LEPR: variants seen among roughly 807,000 people sequenced by gnomAD.
LEPR encodes leptin receptor.
Under a neutral mutation model 114.7 loss-of-function variants are expected in LEPR, and 56 were observed. The observed-to-expected ratio is 0.49, with a 90% CI of 0.39 to 0.61. The LOEUF is 0.61. Among genes scored for constraint, LEPR ranks in the 20% least tolerant of loss-of-function variants. LEPR has a pLI of 0.00. For missense variants in LEPR, 1,202 were observed against 1,352.9 expected (o/e 0.89, Z 1.75); for synonymous variants, 443 against 461.4 (o/e 0.96, Z 0.51).
At chr1:65,450,855 G>A (rs1159210336) in intron 2 of LEPR, among the ~76,000 whole-genome samples, 2 of 151,788 alleles carry the variant, frequency 1.3e-5, no homozygotes, top group East Asian at 3.9e-4. Flanking sequence ...TCGCCACACT[G>A]ACTTCCACAA....
intron 2 of LEPR, among the ~76,000 whole-genome samples, chr1:65,453,613 G>T (rs1021103263): frequency 2.0e-5 from 3 of 152,100 alleles, no homozygotes; most frequent in African/African-American, 7.2e-5. Flanking sequence ...TTAATCCTGC[G>T]TTCTAGTTTG....
intron 5 of LEPR, among the ~76,000 whole-genome samples, chr1:65,587,210 A>G (rs552120451): frequency 1.4e-4 from 22 of 152,116 alleles, no homozygotes; most frequent in African/African-American, 4.8e-4. Context: ...AAAATTCTGA[A>G]GTTTTTCAGC....
chr1:65,591,058 G>T (rs1655662381), intron 5 of LEPR, among the ~76,000 whole-genome samples: 1 of 151,880 alleles, frequency 6.6e-6, no homozygotes, highest in Admixed American at 6.6e-5. Flanking sequence ...TAATTTTCAT[G>T]TACTTAAAAA....
chr1:65,505,751 TC>T (rs1272113890), intron 2 of LEPR, among the ~76,000 whole-genome samples: 5 of 21,422 alleles, frequency 2.3e-4, no homozygotes, highest in Admixed American at 2.3e-3. Context: ...TAACTCACCA[TC>T]CCTTTTTTTT....
At chr1:65,432,985 C>T (rs149557240) in intron 2 of LEPR, 1 of 985,362 alleles carries the variant, frequency 1.0e-6, no homozygotes, top group African/African-American at 1.7e-5. Flanking sequence ...AAAAACATCT[C>T]AGTGGGGAAC....
intron 19 of LEPR, among the ~76,000 whole-genome samples, chr1:65,630,586 C>T (rs75261574): frequency 0.028 from 4,246 of 151,794 alleles, 202 homozygotes; most frequent in African/African-American, 0.098. Flanking sequence ...AATTTCCTCT[C>T]CTCTTGTTTC....
At chr1:65,615,905 C>CCCCT in intron 14 of LEPR, 103 bp from the exon 15 acceptor site, 1 of 1,479,964 alleles carries the variant, frequency 6.8e-7, no homozygotes, top group Non-Finnish European at 9.3e-7. Context: ...CCTGATCTGG[C>CCCCT]CCCTGCCTCC....
intron 2 of LEPR, among the ~76,000 whole-genome samples, chr1:65,530,417 A>C (rs1003271774): frequency 1.3e-5 from 2 of 152,180 alleles, no homozygotes; most frequent in Non-Finnish European, 2.9e-5. Flanking sequence ...AAGTGAAAAC[A>C]AGTTTATTTG....
intron 2 of LEPR, among the ~76,000 whole-genome samples, chr1:65,510,859 T>C (rs1648992724): frequency 1.3e-5 from 2 of 152,274 alleles, no homozygotes; most frequent in Admixed American, 6.5e-5. Flanking sequence ...AAATTGAATA[T>C]GTTTTATAAT....
chr1:65,423,466 G>A (rs1320307791), intron 1 of LEPR, among the ~76,000 whole-genome samples: 1 of 152,206 alleles, frequency 6.6e-6, no homozygotes, highest in Non-Finnish European at 1.5e-5. Flanking sequence ...GCAGTACCTA[G>A]CTTTGACAGG....
intron 2 of LEPR, among the ~76,000 whole-genome samples, chr1:65,456,004 G>C (rs548083450): frequency 1.9e-3 from 292 of 152,248 alleles, no homozygotes; most frequent in African/African-American, 6.7e-3. Context: ...TTTTAAGCCC[G>C]TCGGAAAAGC....
chr1:65,561,982 C>T (rs1487162244), intron 2 of LEPR, among the ~76,000 whole-genome samples: 1 of 74 alleles, frequency 0.014, no homozygotes, highest in Admixed American at 0.071. Context: ...ACTATGTGGT[C>T]AATTTTGGAA....
rs375706463 is a variant in LEPR at position 65,497,464 on chromosome 1, CT to C, written c.-20-68080del. Among the ~76,000 whole-genome samples the C allele has an allele frequency of 1.8e-4, 28 of 152,236 alleles. No individual in the cohort carries two copies. The East Asian group carries it at 3.5e-3, about 19-fold the overall frequency. ...CCTAGATTGTTCAAGGCTAGACACC[CT>C]TCCTGTCTTGAGCTGTCCAATAGTA... On this transcript the variant is annotated intron_variant, in intron 2 of 19. Transcript: ENST00000349533.
At chr1:65,443,885 C>T (rs1376428799) in intron 2 of LEPR, among the ~76,000 whole-genome samples, 1 of 151,694 alleles carries the variant, frequency 6.6e-6, no homozygotes, top group Non-Finnish European at 1.5e-5. Flanking sequence ...GAGGCTTTCT[C>T]TGAGGTCCAC....
intron 2 of LEPR, among the ~76,000 whole-genome samples, chr1:65,540,589 G>A (rs970761257): frequency 1.3e-5 from 2 of 152,058 alleles, no homozygotes; most frequent in African/African-American, 2.4e-5. Flanking sequence ...GCAGATGCTG[G>A]CCTCATGCTT....
chr1:65,491,640 C>T (rs1279030864), intron 2 of LEPR, among the ~76,000 whole-genome samples: 2 of 152,008 alleles, frequency 1.3e-5, no homozygotes, highest in Admixed American at 1.3e-4. Context: ...GTATCTATGG[C>T]GTAAAAGCCA....
intron 2 of LEPR, among the ~76,000 whole-genome samples, chr1:65,526,640 G>T (rs1350850508): frequency 6.6e-6 from 1 of 152,072 alleles, no homozygotes; most frequent in Non-Finnish European, 1.5e-5. Flanking sequence ...CTCTGGAATT[G>T]GAATCAGAAA....
chr1:65,452,869 TG>T (rs1186581405), intron 2 of LEPR, among the ~76,000 whole-genome samples: 1 of 152,202 alleles, frequency 6.6e-6, no homozygotes, highest in African/African-American at 2.4e-5. Context: ...AGTTCCTCCT[TG>T]TACCTCTGGT....
intron 2 of LEPR, among the ~76,000 whole-genome samples, chr1:65,479,612 G>T (rs1647196077): frequency 6.6e-6 from 1 of 152,148 alleles, no homozygotes; most frequent in African/African-American, 2.4e-5. Context: ...AGACAATAAA[G>T]AAAATGGGTT....
Sources: allele counts gnomAD v4.1 joint callset (sites outside exome capture counted in the v4.1 genomes callset), GRCh38; gene constraint gnomAD v4.1.1; transcripts MANE v1.5; gene names NCBI Gene and HGNC (gene_info 2026-07-23, HGNC 2026-07-21).